RGS3: variants seen among roughly 807,000 people sequenced by gnomAD.
The protein encoded by RGS3 is regulator of G-protein signalling 3.
In RGS3, 80 loss-of-function variants were observed where a neutral mutation model predicts 132.6. The ratio of observed to expected loss-of-function variants is 0.60; its 90% CI spans 0.50 to 0.73. The LOEUF (loss-of-function observed/expected upper bound fraction) is 0.73, where lower values mean the gene tolerates loss of function less well. Ranked by LOEUF, RGS3 falls within the 30% of genes least tolerant of loss-of-function variation. RGS3 has a pLI of 0.00. For synonymous variants in RGS3, 598 were observed against 620.6 expected, an observed-to-expected ratio of 0.96 and a Z score of 0.54; for missense variants, 1,382 against 1,530.8, an observed-to-expected ratio of 0.90 and a Z score of 1.62.
chr9:113,538,154 G>T (rs1832756188), intron 19 of RGS3, among the ~76,000 whole-genome samples: 2 of 152,196 alleles, frequency 1.3e-5, no homozygotes, highest in South Asian at 4.1e-4. Flanking sequence ...AAATGAGAGG[G>T]TGCATATACG....
At chr9:113,520,809 C>T (rs1831915623) in intron 16 of RGS3, among the ~76,000 whole-genome samples, 1 of 152,038 alleles carries the variant, frequency 6.6e-6, no homozygotes, top group African/African-American at 2.4e-5. Flanking sequence ...CACCTCATCT[C>T]TTAACATTAT....
chr9:113,497,483 G>C, intron 9 of RGS3, 79 bp downstream of exon 7: 1 of 1,182,598 alleles, frequency 8.5e-7, no homozygotes, highest in Non-Finnish European at 1.2e-6. Context: ...ATCAGTACTG[G>C]TATTTGGTGG....
intron 5 of RGS3, 110 bp downstream of exon 3, chr9:113,483,227 T>C: frequency 1.3e-6 from 1 of 741,696 alleles, no homozygotes; most frequent in Non-Finnish European, 2.3e-6. Context: ...GAGGAGGCAG[T>C]TGCCATCTCA....
Position 113,463,931 on chromosome 9 carries a change from G to C in RGS3, c.415+1730G>C, listed in dbSNP as rs1829545171. 6.2e-7 allele frequency: 1 copy of C among 1,600,380 alleles called. No homozygotes were observed. Among genetic ancestry groups the C allele is most frequent in the Non-Finnish European group, 8.5e-7 (1 of 1,171,276 alleles). On this transcript the variant is annotated intron_variant, in intron 3 of 24. Coordinates refer to ENST00000350696, the Ensembl canonical transcript of RGS3. The surrounding 1 kb of genome is among the most constrained non-coding windows in gnomAD (Gnocchi z 4.6). ...CAGGGGCTGCTTCACCCTGCTCCCA[G>C]CGCCCAGAAACGCAGCCCCTCGTGG...
chr9:113,516,849 G>A (rs1318735156), intron 15 of RGS3, among the ~76,000 whole-genome samples: 1 of 152,142 alleles, frequency 6.6e-6, no homozygotes, highest in East Asian at 1.9e-4. Flanking sequence ...GGTCCAGCTT[G>A]CTATTTGTTT....
At chr9:113,525,032 G>T (rs997779805) in intron 17 of RGS3, among the ~76,000 whole-genome samples, 1 of 152,178 alleles carries the variant, frequency 6.6e-6, no homozygotes, top group Admixed American at 6.5e-5. Flanking sequence ...CCTGCAGATG[G>T]AGGGCGAGCT....
At chr9:113,469,719 T>G (rs1829768455) in intron 3 of RGS3, among the ~76,000 whole-genome samples, 1 of 152,210 alleles carries the variant, frequency 6.6e-6, no homozygotes, top group African/African-American at 2.4e-5. Context: ...TTTCTAATTT[T>G]CATTGTCATT....
chr9:113,453,190 G>A (rs1183761529), intron 1 of RGS3, among the ~76,000 whole-genome samples: 3 of 117,012 alleles, frequency 2.6e-5, no homozygotes, highest in African/African-American at 6.6e-5. Flanking sequence ...CTCATTATAT[G>A]ATTACATAAT....
At chr9:113,464,921 C>T (rs568505717) in intron 3 of RGS3, among the ~76,000 whole-genome samples, 4 of 152,118 alleles carry the variant, frequency 2.6e-5, no homozygotes, top group Non-Finnish European at 4.4e-5. Context: ...TGCTTTTTTT[C>T]CTTAGGGGTA....
chr9:113,595,866 G>A, intron 24 of RGS3, 101 bp downstream of exon 22: 1 of 1,306,900 alleles, frequency 7.7e-7, no homozygotes, highest in Admixed American at 2.0e-5. Context: ...GGAGAGGCCA[G>A]AATGACTCCA....
chr9:113,452,408 A>G (rs951523342), intron 1 of RGS3, among the ~76,000 whole-genome samples: 7 of 151,326 alleles, frequency 4.6e-5, no homozygotes, highest in African/African-American at 1.7e-4. Flanking sequence ...CTGTGTATGT[A>G]ATGTGTAGTT....
At position 113,579,081 on chromosome 9, in the gene RGS3, C is replaced by A. The variant is rs192089011; in HGVS notation, c.2038-4369C>A. ...CAGAGGCAAACCCCAGTTTACACCC[C>A]CCCAGTGCAGGAAGTGGTTTTCGAG... is the stretch of plus-strand genomic sequence containing the variant. On this transcript the variant is annotated intron_variant, in intron 19 of 24. Coordinates refer to ENST00000350696, the Ensembl canonical transcript of RGS3. The surrounding 1 kb of genome is among the most constrained non-coding windows in gnomAD (Gnocchi z 4.3). 1.3e-5 allele frequency among the ~76,000 whole-genome samples: 2 copies of A among 152,132 alleles called. No individual in the cohort carries two copies. The highest frequency in any genetic ancestry group is 6.5e-5 in the Admixed American group (1 of 15,278).
chr9:113,584,114 A>T (rs200205068), exon 20 of RGS3: 1 of 1,614,228 alleles, frequency 6.2e-7, no homozygotes. Context: ...GAGGATGAGG[A>T]CACCAGCGAT....
At chr9:113,448,410 C>T (rs1025698408) in intron 1 of RGS3, among the ~76,000 whole-genome samples, 2 of 152,146 alleles carry the variant, frequency 1.3e-5, no homozygotes, top group Non-Finnish European at 2.9e-5. Flanking sequence ...GAACCATGTC[C>T]TCTCTTACCT....
chr9:113,465,590 C>A (rs1162034805), intron 3 of RGS3, among the ~76,000 whole-genome samples: 1 of 152,026 alleles, frequency 6.6e-6, no homozygotes, highest in Non-Finnish European at 1.5e-5. Flanking sequence ...TATTTCCTTG[C>A]ATTGGTCCAT....
intron 18 of RGS3, among the ~76,000 whole-genome samples, chr9:113,535,184 T>C (rs72761994): frequency 0.12 from 18,095 of 151,704 alleles, 1,292 homozygotes; most frequent in African/African-American, 0.19. Context: ...GAGTCTTGCT[T>C]TGTCACCCAG....
chr9:113,557,830 C>T (rs570327492), intron 19 of RGS3, among the ~76,000 whole-genome samples: 8 of 151,884 alleles, frequency 5.3e-5, no homozygotes, highest in Non-Finnish European at 1.0e-4. Flanking sequence ...GGGACCCTAA[C>T]GCAGGCCAGC....
chr9:113,479,317 G>C, intron 3 of RGS3, 174 bp from the exon 2 acceptor site: 1 of 689,210 alleles, frequency 1.5e-6, no homozygotes, highest in Non-Finnish European at 2.6e-6. Context: ...CTCCCGATGT[G>C]GTGGGCGGGG....
chr9:113,475,449 A>C (rs1318965942), intron 3 of RGS3, among the ~76,000 whole-genome samples: 1 of 152,202 alleles, frequency 6.6e-6, no homozygotes, highest in African/African-American at 2.4e-5. Flanking sequence ...TCTATCATCC[A>C]GGCTGGAGTA....
Sources: gnomAD v4.1 joint callset for allele counts (sites outside exome capture counted in the v4.1 genomes callset) on GRCh38, gnomAD v4.1.1 for gene constraint, Gnocchi (gnomAD v3.1) non-coding constraint, MANE v1.5 for transcripts, NCBI Gene and HGNC (gene_info 2026-07-23, HGNC 2026-07-21) for gene names.